Variants in STK3 observed in about 807,000 individuals in gnomAD.
STK3 encodes serine/threonine kinase 3.
STK3 carries 41 observed loss-of-function variants against 58.0 expected under a neutral mutation model. The observed-to-expected ratio is 0.71, with a 90% CI of 0.55 to 0.92. The LOEUF is 0.92. STK3 is among the 40% of genes least tolerant of loss of function. The pLI is 0.00. For missense variants in STK3, 479 were observed against 602.7 expected (o/e 0.79, Z 2.15); for synonymous variants, 170 against 191.0 (o/e 0.89, Z 0.91).
intron 1 of STK3, among the ~76,000 whole-genome samples, chr8:98,817,106 C>T (rs1243135825): frequency 2.6e-5 from 4 of 152,126 alleles, no homozygotes; most frequent in Non-Finnish European, 4.4e-5. Flanking sequence ...CACCTAAAAA[C>T]GGCTAGATAT....
chr8:98,931,171 A>G (rs1839990145), intron 1 of STK3, among the ~76,000 whole-genome samples: 1 of 152,180 alleles, frequency 6.6e-6, no homozygotes, highest in Non-Finnish European at 1.5e-5. Flanking sequence ...GAGATAGTGC[A>G]GTGGCCAAGG....
chr8:98,517,551 C>G (rs1008052421), intron 10 of STK3, among the ~76,000 whole-genome samples: 2 of 152,012 alleles, frequency 1.3e-5, no homozygotes, highest in African/African-American at 4.8e-5. Flanking sequence ...AGAAAGATTT[C>G]TGATAGTGAA....
intron 8 of STK3, among the ~76,000 whole-genome samples, chr8:98,570,749 T>C (rs1162212677): frequency 3.3e-5 from 5 of 152,198 alleles, no homozygotes; most frequent in Admixed American, 1.3e-4. Context: ...CTAAACTTTA[T>C]TGAGCATACT....
chr8:98,409,203 A>T (rs1420662376), intron 3 of STK3, among the ~76,000 whole-genome samples: 1 of 152,168 alleles, frequency 6.6e-6, no homozygotes, highest in Non-Finnish European at 1.5e-5. Context: ...CATGTCTTGG[A>T]GCATCTAAAT....
chr8:98,758,677 C>G (rs950240058), intron 3 of STK3, among the ~76,000 whole-genome samples: 1 of 152,218 alleles, frequency 6.6e-6, no homozygotes, highest in Non-Finnish European at 1.5e-5. Context: ...TTCTCTCTAG[C>G]TAGGAAAGTC....
intron 10 of STK3, among the ~76,000 whole-genome samples, chr8:98,489,676 C>T (rs1822544432): frequency 1.3e-5 from 2 of 152,086 alleles, no homozygotes; most frequent in African/African-American, 2.4e-5. Flanking sequence ...TCCACACATT[C>T]AATAATAGAT....
At chr8:98,727,926 A>G (rs1168999465) in intron 4 of STK3, among the ~76,000 whole-genome samples, 2 of 152,232 alleles carry the variant, frequency 1.3e-5, no homozygotes, top group African/African-American at 4.8e-5. Context: ...AGAAAAATCA[A>G]TGGTTTCGAG....
At chr8:98,821,332 G>A (rs1834883678) in intron 1 of STK3, among the ~76,000 whole-genome samples, 1 of 151,916 alleles carries the variant, frequency 6.6e-6, no homozygotes. Flanking sequence ...AAACCATTTC[G>A]CCCCCAACCA....
At chr8:98,605,885 G>T (rs1316214838) in intron 6 of STK3, among the ~76,000 whole-genome samples, 1 of 152,138 alleles carries the variant, frequency 6.6e-6, no homozygotes, top group East Asian at 1.9e-4. Context: ...GTTGTTAAAA[G>T]TGTGTAGCAC....
chr8:98,766,477 C>A (rs923524328), intron 3 of STK3, among the ~76,000 whole-genome samples: 6 of 152,190 alleles, frequency 3.9e-5, no homozygotes, highest in African/African-American at 1.2e-4. Flanking sequence ...TAGTGCAGTG[C>A]TGCAATCATA....
At chr8:98,408,326 C>T (rs563677790) in intron 3 of STK3, among the ~76,000 whole-genome samples, 9 of 152,116 alleles carry the variant, frequency 5.9e-5, no homozygotes, top group Admixed American at 2.6e-4. Flanking sequence ...TTATTTTCCA[C>T]CACAACAATA....
intron 3 of STK3, among the ~76,000 whole-genome samples, chr8:98,408,294 CAT>C (rs1818020101): frequency 6.6e-6 from 1 of 151,978 alleles, no homozygotes; most frequent in South Asian, 2.1e-4. Context: ...TATGAAGTGC[CAT>C]GACAATTAAA....
intron 4 of STK3, among the ~76,000 whole-genome samples, chr8:98,712,947 G>A (rs1026692750): frequency 1.6e-4 from 25 of 152,284 alleles, no homozygotes; most frequent in Admixed American, 1.5e-3. Flanking sequence ...TCAGACTACA[G>A]TGCAATCAAA....
chr8:98,836,932 A>G (rs563118502), intron 3 of STK3, among the ~76,000 whole-genome samples: 3 of 152,372 alleles, frequency 2.0e-5, no homozygotes, highest in East Asian at 1.9e-4. Flanking sequence ...CACAAGATAC[A>G]TAAGCACACA....
At chr8:98,852,486 T>C (rs1374788471) in intron 3 of STK3, among the ~76,000 whole-genome samples, 1 of 152,230 alleles carries the variant, frequency 6.6e-6, no homozygotes, top group African/African-American at 2.4e-5. Flanking sequence ...AAAAACACCC[T>C]GACCCAGTTA....
At chr8:98,517,972 CTT>C (rs1825062732) in intron 10 of STK3, among the ~76,000 whole-genome samples, 1 of 152,016 alleles carries the variant, frequency 6.6e-6, no homozygotes, top group Non-Finnish European at 1.5e-5. Flanking sequence ...ACAACATATG[CTT>C]GGAGTACAAT....
In STK3 at chr8:98,800,570, T is replaced by C. The variant is rs1833469869; in HGVS notation, c.26+24945A>G. On this transcript the variant is annotated intron_variant, in intron 1 of 10. Transcript: ENST00000419617. This position sits in a 1 kb window ranked among gnomAD's most constrained non-coding sequence, Gnocchi z 4.8. ...CAAGGCCGGAGCCGGCTCCCTCTGCTTGCGGGAAGGTGTGGAGGGAGAAGC... is the reference window on the plus strand; with the variant it reads ...CAAGGCCGGAGCCGGCTCCCTCTGCCTGCGGGAAGGTGTGGAGGGAGAAGC... Among the ~76,000 whole-genome samples the C allele has an allele frequency of 6.6e-6, 1 of 152,182 alleles. No homozygotes were observed. Among genetic ancestry groups the C allele is most frequent in the African/African-American group, 2.4e-5 (1 of 41,468 alleles).
intron 8 of STK3, among the ~76,000 whole-genome samples, chr8:98,557,848 C>T (rs1811718588): frequency 1.3e-5 from 2 of 152,050 alleles, no homozygotes; most frequent in African/African-American, 4.8e-5. Context: ...TTTAAAGTTA[C>T]ATCAAAGCTT....
chr8:98,469,156 T>G (rs762848956), intron 10 of STK3, among the ~76,000 whole-genome samples: 1 of 150,390 alleles, frequency 6.6e-6, no homozygotes, highest in African/African-American at 2.4e-5. Context: ...TATGCCACCA[T>G]TACTTCCAAA....
Sources: allele counts gnomAD v4.1 joint callset (sites outside exome capture counted in the v4.1 genomes callset), GRCh38; gene constraint gnomAD v4.1.1; non-coding constraint Gnocchi (gnomAD v3.1); transcripts MANE v1.5; gene names NCBI Gene and HGNC (gene_info 2026-07-23, HGNC 2026-07-21).